The following PRDM2 variants were observed in gnomAD, a reference collection of about 807,000 sequenced individuals.
PRDM2 encodes the protein PR domain zinc finger protein 2.
In PRDM2, 30 loss-of-function variants were observed where a neutral mutation model predicts 130.0. The observed-to-expected ratio is 0.23, with a 90% CI of 0.17 to 0.31. The LOEUF (loss-of-function observed/expected upper bound fraction) is 0.31, where lower values mean the gene tolerates loss of function less well. Among genes scored for constraint, PRDM2 ranks in the 10% least tolerant of loss-of-function variants. The pLI is 1.00. For synonymous variants in PRDM2, 871 were observed against 782.4 expected, an observed-to-expected ratio of 1.11 and a Z score of -1.89; for missense variants, 2,011 against 2,108.4, an observed-to-expected ratio of 0.95 and a Z score of 0.90.
At chr1:13,738,917 C>T (rs1397325039) in intron 4 of PRDM2, 4 of 149,682 alleles carry the variant, frequency 2.7e-5, no homozygotes, top group African/African-American at 7.4e-5. Flanking sequence ...TGAAACACAA[C>T]TGGAATTTGA....
chr1:13,749,264 A>T (rs1569853279), intron 5 of PRDM2, 97 bp from the exon 6 acceptor site: 1 of 1,155,530 alleles, frequency 8.7e-7, no homozygotes. Flanking sequence ...GCTGTTTGCC[A>T]TCGGCGCCGC....
intron 8 of PRDM2, among the ~76,000 whole-genome samples, chr1:13,807,766 G>A (rs932318292): frequency 3.3e-5 from 5 of 152,170 alleles, no homozygotes; most frequent in African/African-American, 7.2e-5. Flanking sequence ...TCTATTAGAC[G>A]TTCTATTGTA....
intron 8 of PRDM2, among the ~76,000 whole-genome samples, chr1:13,796,228 ACTC>A (rs1644920637): frequency 6.6e-6 from 1 of 152,064 alleles, no homozygotes; most frequent in South Asian, 2.1e-4. Flanking sequence ...AGAAGAGCGT[ACTC>A]CTCAAGATCT....
At chr1:13,749,100 C>T (rs1221934445) in intron 5 of PRDM2, among the ~76,000 whole-genome samples, 2 of 152,134 alleles carry the variant, frequency 1.3e-5, no homozygotes, top group African/African-American at 2.4e-5. Context: ...TGGGACAGCA[C>T]CCGGGCTCCG....
chr1:13,816,970 A>G (rs936423671), intron 9 of PRDM2, among the ~76,000 whole-genome samples: 3 of 152,204 alleles, frequency 2.0e-5, no homozygotes, highest in African/African-American at 7.2e-5. Flanking sequence ...TAATAATGAT[A>G]AAAATAGTAA....
chr1:13,718,219 G>C (rs567112593), intron 2 of PRDM2, among the ~76,000 whole-genome samples: 1 of 152,140 alleles, frequency 6.6e-6, no homozygotes, highest in Non-Finnish European at 1.5e-5. Flanking sequence ...GGTTATTTTA[G>C]GGTTAGGTTA....
rs539411159 is a variant in PRDM2 at position 13,752,443 on chromosome 1, T to C, written c.511+2956T>C. ...TTCAGGTAGAGAGCAAGGAGGGTTT[T>C]TAGTGTCAGGTGTTTCAGGCTATTT... On this transcript the variant is annotated intron_variant, in intron 6 of 9. Coordinates refer to ENST00000311066, the MANE Select transcript of PRDM2 (RefSeq NM_001393986.1). 2.6e-5 allele frequency among the ~76,000 whole-genome samples: 4 copies of C among 152,326 alleles called. No homozygotes were observed. The East Asian group carries it at 7.7e-4, about 29-fold the overall frequency.
chr1:13,786,135 G>T (rs984292452), intron 8 of PRDM2, among the ~76,000 whole-genome samples: 1 of 152,070 alleles, frequency 6.6e-6, no homozygotes, highest in Non-Finnish European at 1.5e-5. Context: ...ACCGTGCCTG[G>T]TGTTTTTGGG....
intron 5 of PRDM2, among the ~76,000 whole-genome samples, chr1:13,748,844 C>G (rs1235715318): frequency 6.6e-6 from 1 of 152,176 alleles, no homozygotes; most frequent in African/African-American, 2.4e-5. Context: ...CTCCCGTTGG[C>G]GGCTCTGGGA....
At chr1:13,821,384 C>T (rs971691660) in intron 9 of PRDM2, among the ~76,000 whole-genome samples, 5 of 152,002 alleles carry the variant, frequency 3.3e-5, no homozygotes, top group Non-Finnish European at 5.9e-5. Flanking sequence ...GGCAAGAGAA[C>T]TGTATCCCTG....
chr1:13,750,006 C>A (rs1022003735), intron 6 of PRDM2, among the ~76,000 whole-genome samples: 1 of 152,194 alleles, frequency 6.6e-6, no homozygotes, highest in Non-Finnish European at 1.5e-5. Flanking sequence ...GAGACAGAGA[C>A]AGGAGGCGGC....
rs745909142 is a variant in PRDM2 at position 13,780,054 on chromosome 1, T to C, written c.2259T>C (p.Phe753=). The part of the protein sequence containing the change: ...SPQHSPALRD[F]GKPSDGKAAW... ...AGCACAGTCCTGCCCTTCGAGACTT[T>C]GGAAAGCCAAGTGATGGGAAAGCAG... The change falls in exon 8 of 10, where the codon TTT becomes TTC. Residue 753 remains phenylalanine (F), a synonymous_variant. Transcript: ENST00000311066. 1.4e-5 allele frequency: 23 copies of C among 1,614,176 alleles called. 1 individual carries two copies. The South Asian group carries it at 2.5e-4, about 18-fold the overall frequency.
rs201842173 is a variant in PRDM2, at chr1:13,730,346, A to T, written c.10-654A>T. On this transcript the variant is annotated intron_variant, in intron 2 of 9. Coordinates refer to ENST00000311066, the MANE Select transcript of PRDM2 (RefSeq NM_001393986.1). ...CAGCCTAAACTTTGATAAATAATTT[A>T]AAAAAATTCTCTGTTTCTTAGCAAC... Among the ~76,000 whole-genome samples the T allele has an allele frequency of 1.7e-4, 26 of 152,328 alleles. No individual in the cohort carries two copies. The East Asian group carries it at 1.7e-3, about 10-fold the overall frequency.
chr1:13,784,185 C>T (rs1231010111), intron 8 of PRDM2, among the ~76,000 whole-genome samples: 1 of 152,222 alleles, frequency 6.6e-6, no homozygotes, highest in Non-Finnish European at 1.5e-5. Context: ...TAGGTAGCAT[C>T]TTGGAGGTTA....
intron 6 of PRDM2, among the ~76,000 whole-genome samples, chr1:13,768,492 G>T (rs1644285997): frequency 6.6e-6 from 1 of 151,968 alleles, no homozygotes; most frequent in African/African-American, 2.4e-5. Flanking sequence ...TGATTCTCCT[G>T]CCTCAGCCTC....
Position 13,803,610 on chromosome 1 carries a change from C to T in PRDM2, c.5037-12817C>T, listed in dbSNP as rs2100737448. ...CCTTGCTCGCTCTCCTCGGTTTCCT[C>T]GTCTGTAAGGGAAGGGCTGATCCCT... On this transcript the variant is annotated intron_variant, in intron 8 of 9. Coordinates refer to ENST00000311066, the MANE Select transcript of PRDM2 (RefSeq NM_001393986.1). The surrounding 1 kb of genome is among the most constrained non-coding windows in gnomAD (Gnocchi z 6.2). 6.6e-6 allele frequency among the ~76,000 whole-genome samples: 1 copy of T among 152,260 alleles called. No homozygotes were observed. The highest frequency in any genetic ancestry group is 2.1e-4 in the South Asian group (1 of 4,826).
intron 8 of PRDM2, chr1:13,787,317 A>G (rs1009660306): frequency 7.1e-6 from 7 of 985,046 alleles, no homozygotes; most frequent in East Asian, 2.3e-4. Context: ...GAATTTGCAT[A>G]CCAGGTTTTA....
At chr1:13,728,101 G>A (rs924595307) in intron 2 of PRDM2, among the ~76,000 whole-genome samples, 11 of 152,292 alleles carry the variant, frequency 7.2e-5, no homozygotes, top group African/African-American at 2.6e-4. Flanking sequence ...GATACTTCCT[G>A]ATAGATGACC....
chr1:13,782,980 T>C, intron 8 of PRDM2, 149 bp downstream of exon 8: 1 of 1,497,086 alleles, frequency 6.7e-7, no homozygotes, highest in Non-Finnish European at 9.0e-7. Flanking sequence ...TGAAGGGTCA[T>C]TGCTTTGGCT....
Sources: allele counts gnomAD v4.1 joint callset (sites outside exome capture counted in the v4.1 genomes callset), GRCh38; gene constraint gnomAD v4.1.1; non-coding constraint Gnocchi (gnomAD v3.1); transcripts MANE v1.5; gene names NCBI Gene and HGNC (gene_info 2026-07-23, HGNC 2026-07-21).